CUL9: variants seen among roughly 807,000 people sequenced by gnomAD.
CUL9 encodes cullin-9.
CUL9 carries 79 observed loss-of-function variants against 272.6 expected under a neutral mutation model. The observed-to-expected ratio is 0.29, with a 90% CI of 0.24 to 0.35. The LOEUF (loss-of-function observed/expected upper bound fraction) is 0.35. CUL9 is among the 10% of genes least tolerant of loss of function. The pLI, the probability that CUL9 is intolerant of heterozygous loss-of-function variation, is 1.00. For synonymous variants in CUL9, 1,186 were observed against 1,286.5 expected (o/e 0.92, Z 1.67); for missense variants, 2,532 against 3,255.6 (o/e 0.78, Z 5.41).
intron 8 of CUL9, 76 bp from the exon 9 acceptor site, chr6:43,192,925 G>A: frequency 2.3e-6 from 3 of 1,322,858 alleles, no homozygotes; most frequent in Non-Finnish European, 3.2e-6. Context: ...TGGTCAGGGA[G>A]TCCGACGGTG....
Position 43,223,793 on chromosome 6 carries a change from C to A in CUL9, c.7285-302C>A, listed in dbSNP as rs983868074. 30 of 519,376 alleles carry A rather than the reference C, an allele frequency of 5.8e-5. No homozygotes were observed. Among genetic ancestry groups the A allele is most frequent in the African/African-American group, 5.2e-4 (27 of 52,362 alleles). The allele number at this position is 519,376 out of a possible 1,614,324, so 32.2% of individuals were successfully genotyped here. On this transcript the variant is annotated intron_variant, in intron 39 of 40. Coordinates refer to ENST00000252050, the MANE Select transcript of CUL9 (RefSeq NM_015089.4). This position sits in a 1 kb window ranked among gnomAD's most constrained non-coding sequence, Gnocchi z 4.1. ...TCTCTCCAGCTCTAATGCACTGATG[C>A]TGAGTCTAAACTGTGAGTCCTGTCC...
In CUL9 at chr6:43,186,365, G is replaced by T. The variant is rs755649246; in HGVS notation, c.1161G>T (p.Met387Ile). The T allele has an allele frequency of 7.4e-6, 12 of 1,614,068 alleles. No individual in the cohort carries two copies. The African/African-American group carries it at 1.5e-4, about 20-fold the overall frequency. Reference sequence around the variant, plus strand: ...TGCAGCAGACACTGCAGCCAGGGATGCGAGTGCGGATGCTGGATGATTATG... The same window carrying T: ...TGCAGCAGACACTGCAGCCAGGGATTCGAGTGCGGATGCTGGATGATTATG... ...EYVQQTLQPGMRVRMLDDYEE... is the reference protein window; with the variant it reads ...EYVQQTLQPGIRVRMLDDYEE... Residue 387 changes from methionine to isoleucine, a missense_variant, in exon 4 of 41, where the codon ATG becomes ATT. Transcript: ENST00000252050.
intron 8 of CUL9, 68 bp from the exon 9 acceptor site, chr6:43,192,933 G>A: frequency 1.4e-6 from 2 of 1,422,602 alleles, no homozygotes; most frequent in South Asian, 1.2e-5. Flanking sequence ...GAGTCCGACG[G>A]TGCCATGGCT....
chr6:43,183,262 C>T (rs1255100956), intron 1 of CUL9, among the ~76,000 whole-genome samples: 2 of 152,196 alleles, frequency 1.3e-5, no homozygotes, highest in Non-Finnish European at 2.9e-5. Context: ...TAAATCCTTA[C>T]CATACATGCA....
Position 43,220,997 on chromosome 6 carries a change from CTG to C in CUL9, c.6588+89_6588+90del. On this transcript the variant is annotated intron_variant, in intron 33 of 40. Coordinates refer to ENST00000252050, the MANE Select transcript of CUL9 (RefSeq NM_015089.4). This position sits in a 1 kb window ranked among gnomAD's most constrained non-coding sequence, Gnocchi z 4.9. Reference sequence around the variant, plus strand: ...ATCCCCACCCCGCCACACACACAGACTGTGACTTGTCCTTCCTCAGCCTCTGC... The same window carrying C: ...ATCCCCACCCCGCCACACACACAGACTGACTTGTCCTTCCTCAGCCTCTGC... The C allele has an allele frequency of 2.0e-6, 3 of 1,488,480 alleles. No homozygotes were observed. The highest frequency in any genetic ancestry group is 1.3e-5 in the South Asian group (1 of 76,208). 92.2% of individuals were successfully genotyped at this position (1,488,480 alleles called of 1,614,324 possible). A position where few individuals can be genotyped will look rare whatever the true frequency, so the allele number is the denominator to read the frequency against.
Position 43,186,127 on chromosome 6 carries a change from A to T in CUL9, c.923A>T (p.Asn308Ile), listed in dbSNP as rs1242988738. The T allele has an allele frequency of 6.2e-7, 1 of 1,614,214 alleles. No individual in the cohort carries two copies. Among genetic ancestry groups the T allele is most frequent in the Non-Finnish European group, 8.5e-7 (1 of 1,180,016 alleles). ...CTGGAGTTCAGCATGGCTGTGGGCAACCTCATCTCTGAGCTTGTGCGGAGC... is the reference window on the plus strand; with the variant it reads ...CTGGAGTTCAGCATGGCTGTGGGCATCCTCATCTCTGAGCTTGTGCGGAGC... ...RELEFSMAVG[N>I]LISELVRSMG... The change falls in exon 4 of 41, where the codon AAC (asparagine) becomes ATC (isoleucine). Residue 308 changes from asparagine to isoleucine, a missense_variant. Coordinates refer to ENST00000252050, the MANE Select transcript of CUL9 (RefSeq NM_015089.4).
At chr6:43,196,327 G>C in intron 10 of CUL9, 62 bp downstream of exon 10, 2 of 1,477,440 alleles carry the variant, frequency 1.4e-6, no homozygotes, top group Admixed American at 1.9e-5. Flanking sequence ...CTACTCCTGT[G>C]CTCCAGGCTC....
rs749168777 is a variant in CUL9 at position 43,202,821 on chromosome 6, G to A, written c.3753G>A (p.Thr1251=). The part of the protein sequence containing the change: ...STSCIGTELN[T]VNVMPSASRV... ...GCTGCATCGGCACTGAGCTCAACAC[G>A]GTGGGGACCCTTGTGCCCACCTTCA... The change falls in exon 17 of 41, where the codon ACG becomes ACA. Residue 1251 remains threonine (T), a splice_region_variant and synonymous_variant. Transcript: ENST00000252050. 3.1e-6 allele frequency: 5 copies of A among 1,613,622 alleles called. No homozygotes were observed. The highest frequency in any genetic ancestry group is 2.2e-5 in the South Asian group (2 of 91,066).
intron 20 of CUL9, 95 bp from the exon 21 acceptor site, chr6:43,204,265 C>A: frequency 6.8e-7 from 1 of 1,468,770 alleles, no homozygotes; most frequent in East Asian, 2.3e-5. Context: ...ACCCCTCAAG[C>A]CTTTTTGTAC....
In CUL9 at chr6:43,198,772, G is replaced by T; in HGVS notation, c.2967G>T (p.Gln989His). The change falls in exon 12 of 41, where the codon CAG becomes CAT. Residue 989 changes from glutamine to histidine, a missense_variant. Physicochemically the swap from Gln to His is conservative, Grantham distance 24. Coordinates refer to ENST00000252050, the MANE Select transcript of CUL9 (RefSeq NM_015089.4). The stretch of plus-strand genomic sequence containing the variant: ...TGAGGCCCCTCCTCAAGCGCCTCCA[G>T]CAGGAGACCCAGCCTTTCCTCCTGT... ...GAVRPLLKRL[Q>H]QETQPFLLLL... is the part of the protein sequence containing the mutation. 1.9e-6 allele frequency: 3 copies of T among 1,614,086 alleles called. No individual in the cohort carries two copies. The highest frequency in any genetic ancestry group is 2.5e-6 in the Non-Finnish European group (3 of 1,180,032).
rs137917396 is a variant in CUL9, at chr6:43,204,790, C to T, written c.4382C>T (p.Ser1461Leu). The T allele has an allele frequency of 5.0e-5, 80 of 1,614,202 alleles. No individual in the cohort carries two copies. In the African/African-American group the frequency reaches 5.9e-4, roughly 12 times the overall value. The stretch of plus-strand genomic sequence containing the variant: ...GGTCGGGACCGGAGCCCGGCGCCTT[C>T]GCCAGTGCTTCCAAGCAGCAGCCTG... ...SKGRDRSPAPSPVLPSSSLRN... is the reference protein window; with the variant it reads ...SKGRDRSPAPLPVLPSSSLRN... Residue 1461 changes from serine to leucine, a missense_variant, in exon 22 of 41, where the codon TCG (serine) becomes TTG (leucine). Around this residue, in one of 3 missense-constraint regions of CUL9, gnomAD observed 2,218 missense variants for 2,788.6 expected, o/e 0.80. Transcript: ENST00000252050.
intron 10 of CUL9, 84 bp from the exon 11 acceptor site, chr6:43,196,561 C>A: frequency 8.0e-7 from 1 of 1,257,510 alleles, no homozygotes; most frequent in Non-Finnish European, 1.2e-6. Context: ...TGCTCCCTAG[C>A]TGCCCGGCCT....
intron 26 of CUL9, among the ~76,000 whole-genome samples, chr6:43,209,712 C>A (rs1775325732): frequency 6.6e-6 from 1 of 152,140 alleles, no homozygotes; most frequent in Non-Finnish European, 1.5e-5. Flanking sequence ...GTGGCTCAAT[C>A]CCAGCTCACT....
chr6:43,200,164 G>A lies in CUL9; in HGVS notation c.3384+8G>A, dbSNP rs763176246. 11 of 1,611,258 alleles carry A rather than the reference G, an allele frequency of 6.8e-6. No individual in the cohort carries two copies. In the East Asian group the frequency reaches 2.5e-4, roughly 36 times the overall value. ...CTGGCCGGCTGCATTCAGGTGAGGAGCGGCTGTGGGTATGCAGCTGAGAGA... is the reference window on the plus strand; with the variant it reads ...CTGGCCGGCTGCATTCAGGTGAGGAACGGCTGTGGGTATGCAGCTGAGAGA... On this transcript the variant is annotated splice_region_variant and intron_variant, in intron 14 of 40. Transcript: ENST00000252050. This position sits in a 1 kb window ranked among gnomAD's most constrained non-coding sequence, Gnocchi z 4.0.
chr6:43,208,372 A>G (rs971246149), intron 26 of CUL9, among the ~76,000 whole-genome samples: 3 of 152,048 alleles, frequency 2.0e-5, no homozygotes, highest in African/African-American at 7.2e-5. Context: ...TGCCTGGCTA[A>G]TTTTTGTATT....
Position 43,205,990 on chromosome 6 carries a change from G to C in CUL9, c.4794-17G>C. Reference sequence around the variant, plus strand: ...GGCACCCACACTGAGGCTTGGCCCGGGCTGTGTGTGCTGCAGGCATTATAT... The same window carrying C: ...GGCACCCACACTGAGGCTTGGCCCGCGCTGTGTGTGCTGCAGGCATTATAT... On this transcript the variant is annotated splice_polypyrimidine_tract_variant and intron_variant, in intron 24 of 40. Coordinates refer to ENST00000252050, the MANE Select transcript of CUL9 (RefSeq NM_015089.4). 1 of 1,610,648 alleles carries C rather than the reference G, an allele frequency of 6.2e-7. No individual in the cohort carries two copies.
At position 43,202,776 on chromosome 6, in the gene CUL9, G is replaced by A. The variant is rs1409598933; in HGVS notation, c.3708G>A (p.Val1236=). 3.7e-6 allele frequency: 6 copies of A among 1,614,046 alleles called. No individual in the cohort carries two copies. In the Admixed American group the frequency reaches 1.0e-4, roughly 27 times the overall value. Residue 1236 remains valine (V), a synonymous_variant, in exon 17 of 41, where the codon GTG becomes GTA. Coordinates refer to ENST00000252050, the MANE Select transcript of CUL9 (RefSeq NM_015089.4). ...DSSYMPARVV[V]FGGDSTSCIG... ...GCTACATGCCAGCCAGGGTGGTGGT[G>A]TTTGGGGGTGACAGCACCAGCTGCA... is the stretch of plus-strand genomic sequence containing the variant.
At chr6:43,207,975 A>AT (rs953503078) in intron 26 of CUL9, among the ~76,000 whole-genome samples, 4 of 152,192 alleles carry the variant, frequency 2.6e-5, no homozygotes, top group African/African-American at 9.7e-5. Flanking sequence ...ATGATGGTGA[A>AT]TTTTTTAAAA....
chr6:43,185,412 T>G, intron 2 of CUL9, 44 bp from the exon 3 acceptor site: 1 of 1,592,292 alleles, frequency 6.3e-7, no homozygotes, highest in Non-Finnish European at 8.6e-7. Flanking sequence ...AGGGAGAAAG[T>G]ACTGGGGATT....
Sources: allele counts gnomAD v4.1 joint callset (sites outside exome capture counted in the v4.1 genomes callset), GRCh38; gene constraint gnomAD v4.1.1; regional missense constraint gnomAD v4.1.1; non-coding constraint Gnocchi (gnomAD v3.1); transcripts MANE v1.5; gene names NCBI Gene and HGNC (gene_info 2026-07-23, HGNC 2026-07-21).